TRPC5: variants seen among roughly 807,000 people sequenced by gnomAD.
TRPC5 encodes the protein short transient receptor potential channel 5.
In TRPC5, 9 loss-of-function variants were observed where a neutral mutation model predicts 56.5. The observed-to-expected ratio is 0.16, with a 90% CI of 0.10 to 0.28. The LOEUF is 0.28. Among genes scored for constraint, TRPC5 ranks in the 10% least tolerant of loss-of-function variants. The pLI is 1.00. For missense variants in TRPC5, 469 were observed against 748.9 expected (o/e 0.63, Z 4.36); for synonymous variants, 282 against 278.5 (o/e 1.01, Z -0.13).
At chrX:111,982,433 G>T (rs906604193) in intron 1 of TRPC5, among the ~76,000 whole-genome samples, 1 of 110,954 alleles carries the variant, frequency 9.0e-6, no homozygotes, top group African/African-American at 3.3e-5. Flanking sequence ...ATTCCTGAAG[G>T]TTCTGGGCCA....
At chrX:111,835,298 G>C (rs1338045167) in intron 6 of TRPC5, among the ~76,000 whole-genome samples, 182 bp from the exon 7 acceptor site, 1 of 112,024 alleles carries the variant, frequency 8.9e-6, no homozygotes, top group African/African-American at 3.2e-5. Flanking sequence ...TTGTTTGTTT[G>C]TTTCCACTTC....
rs372951817 is a variant in TRPC5, at chrX:111,791,931, A to G, written c.1897-9793T>C. ...TCAAGGATCTAGAACCAGAAATACC[A>G]TTTGACCCAGCAATCCCATTACTGG... is the stretch of plus-strand genomic sequence containing the variant. On this transcript the variant is annotated intron_variant, in intron 7 of 10. Coordinates refer to ENST00000262839, the MANE Select transcript of TRPC5 (RefSeq NM_012471.3). 2.0e-4 allele frequency among the ~76,000 whole-genome samples: 23 copies of G among 112,452 alleles called. No homozygotes were observed. The East Asian group carries it at 6.5e-3, about 32-fold the overall frequency.
At chrX:111,844,625 C>A (rs1024381776) in intron 6 of TRPC5, among the ~76,000 whole-genome samples, 16 of 108,604 alleles carry the variant, frequency 1.5e-4, no homozygotes, top group Admixed American at 8.9e-4. Flanking sequence ...GCCACCACAC[C>A]CGGCTAATTG....
intron 1 of TRPC5, among the ~76,000 whole-genome samples, chrX:112,073,232 AT>A (rs1172234851): frequency 2.7e-5 from 3 of 110,314 alleles, no homozygotes; most frequent in Non-Finnish European, 5.7e-5. Flanking sequence ...TTTCTTGGAG[AT>A]TTTACATGTA....
chrX:112,045,810 CTT>C (rs1930003324), intron 1 of TRPC5, among the ~76,000 whole-genome samples: 1 of 111,463 alleles, frequency 9.0e-6, no homozygotes, highest in African/African-American at 3.3e-5. Context: ...TGAGTGGTGT[CTT>C]CTGTATTTAA....
chrX:111,908,145 C>A (rs1171803767), intron 3 of TRPC5, among the ~76,000 whole-genome samples: 1 of 111,534 alleles, frequency 9.0e-6, no homozygotes, highest in South Asian at 3.7e-4. Flanking sequence ...TCAATGAAAC[C>A]ACATATTTTT....
intron 3 of TRPC5, among the ~76,000 whole-genome samples, chrX:111,861,253 A>C (rs1213577122): frequency 2.7e-5 from 3 of 112,087 alleles, no homozygotes; most frequent in Admixed American, 9.4e-5. Flanking sequence ...TTAAGAGTAG[A>C]TTAGCATTTT....
chrX:111,933,550 A>G (rs772165386), intron 2 of TRPC5, among the ~76,000 whole-genome samples: 11 of 111,479 alleles, frequency 9.9e-5, no homozygotes, highest in African/African-American at 3.6e-4. Context: ...AACCATGAAG[A>G]AAGAGGGGCT....
intron 1 of TRPC5, among the ~76,000 whole-genome samples, chrX:112,041,173 A>G (rs1180457731): frequency 8.9e-6 from 1 of 112,337 alleles, no homozygotes; most frequent in Non-Finnish European, 1.9e-5. Context: ...AGGTGCTGGC[A>G]GTAGGAATTT....
intron 1 of TRPC5, among the ~76,000 whole-genome samples, chrX:112,005,611 G>A (rs1206140878): frequency 9.0e-6 from 1 of 110,960 alleles, no homozygotes; most frequent in Non-Finnish European, 1.9e-5. Flanking sequence ...GAGGATCCCT[G>A]TTCTAAGAGA....
intron 2 of TRPC5, among the ~76,000 whole-genome samples, chrX:111,951,798 G>A (rs768592511): frequency 8.9e-6 from 1 of 111,776 alleles, no homozygotes; most frequent in South Asian, 3.8e-4. Flanking sequence ...CACATCATTG[G>A]GTTGCTAAGT....
chrX:112,075,025 A>G (rs902861978), intron 1 of TRPC5, among the ~76,000 whole-genome samples: 1 of 112,380 alleles, frequency 8.9e-6, no homozygotes, highest in African/African-American at 3.2e-5. Context: ...CTACTTCATC[A>G]GCCTTTTCCT....
intron 2 of TRPC5, among the ~76,000 whole-genome samples, chrX:111,937,584 C>A (rs1165599049): frequency 3.7e-5 from 4 of 107,860 alleles, no homozygotes; most frequent in Admixed American, 9.9e-5. Flanking sequence ...TTTCCCAGCA[C>A]CATTTATTAA....
intron 1 of TRPC5, among the ~76,000 whole-genome samples, chrX:112,005,069 G>A (rs1341237447): frequency 9.0e-6 from 1 of 111,292 alleles, no homozygotes; most frequent in African/African-American, 3.3e-5. Flanking sequence ...ATGAACATCT[G>A]CGTGCATGTG....
At chrX:111,926,966 T>C (rs1642345398) in intron 2 of TRPC5, among the ~76,000 whole-genome samples, 1 of 112,301 alleles carries the variant, frequency 8.9e-6, no homozygotes, top group South Asian at 3.7e-4. Context: ...GTCAGTATAA[T>C]GTAAATGTAG....
intron 1 of TRPC5, among the ~76,000 whole-genome samples, chrX:112,066,407 C>T (rs1401137518): frequency 1.8e-5 from 2 of 111,888 alleles, no homozygotes; most frequent in Non-Finnish European, 3.8e-5. Context: ...AGGTCTGGCC[C>T]TGGCCTTCAT....
chrX:111,999,628 T>C (rs1181164112), intron 1 of TRPC5, among the ~76,000 whole-genome samples: 1 of 112,112 alleles, frequency 8.9e-6, no homozygotes, highest in Non-Finnish European at 1.9e-5. Flanking sequence ...TTTTGGTATG[T>C]ACCCAGCAGT....
At chrX:111,800,516 G>C (rs1484860225) in intron 7 of TRPC5, among the ~76,000 whole-genome samples, 1 of 111,075 alleles carries the variant, frequency 9.0e-6, no homozygotes, top group African/African-American at 3.3e-5. Context: ...TGTAATCCCA[G>C]CACTTTGGGA....
chrX:111,997,582 T>C (rs1928575580), intron 1 of TRPC5, among the ~76,000 whole-genome samples: 1 of 111,116 alleles, frequency 9.0e-6, no homozygotes, highest in African/African-American at 3.3e-5. Context: ...TCCTGAAGAG[T>C]GTTTGCCAAC....
Sources: allele counts gnomAD v4.1 joint callset (sites outside exome capture counted in the v4.1 genomes callset), GRCh38; gene constraint gnomAD v4.1.1; transcripts MANE v1.5; gene names NCBI Gene and HGNC (gene_info 2026-07-23, HGNC 2026-07-21).